The following KLHL1 variants were observed in gnomAD, a reference collection of about 807,000 sequenced individuals.
KLHL1 encodes kelch-like protein 1.
KLHL1 carries 47 observed loss-of-function variants against 77.7 expected under a neutral mutation model. That is an observed-to-expected ratio of 0.60 (90% CI 0.48 to 0.77). The LOEUF is 0.77. KLHL1 is among the 30% of genes least tolerant of loss of function. The pLI, the probability that KLHL1 is intolerant of heterozygous loss-of-function variation, is 0.00. For missense variants in KLHL1, 925 were observed against 910.8 expected (o/e 1.02, Z -0.20); for synonymous variants, 360 against 325.2 (o/e 1.11, Z -1.15).
At chr13:69,834,832 T>C (rs1810490260) in intron 6 of KLHL1, among the ~76,000 whole-genome samples, 1 of 152,104 alleles carries the variant, frequency 6.6e-6, no homozygotes, top group South Asian at 2.1e-4. Context: ...CTAAGGCATG[T>C]ATCAATTCCT....
intron 3 of KLHL1, among the ~76,000 whole-genome samples, chr13:69,954,640 T>C (rs1294780665): frequency 6.6e-6 from 1 of 151,306 alleles, no homozygotes; most frequent in Non-Finnish European, 1.5e-5. Context: ...GCTATTTCTT[T>C]TGCAGTCTCT....
rs200270716 is a variant in KLHL1 at position 69,819,873 on chromosome 13, CT to C, written c.1414+19102del. On this transcript the variant is annotated intron_variant, in intron 6 of 10. Coordinates refer to ENST00000377844, the MANE Select transcript of KLHL1 (RefSeq NM_020866.3). ...CCAAAGATCAGTTTGAGAGTCTCAG[CT>C]TTTTAATTGGTTTACTCTTGCTTTA... Among the ~76,000 whole-genome samples, 1,229 of 152,214 alleles carry C rather than the reference CT, an allele frequency of 8.1e-3. 16 individuals carry two copies. The highest frequency in any genetic ancestry group is 0.027 in the African/African-American group (1,125 of 41,532).
Position 69,719,645 on chromosome 13 carries a change from G to C in KLHL1, c.1803-64C>G, listed in dbSNP as rs889084865. ...GTCTGGATGACAAAATATAGAAAAGGTCCTTTAAAATAAATTTTCACAGTA... is the reference window on the plus strand; with the variant it reads ...GTCTGGATGACAAAATATAGAAAAGCTCCTTTAAAATAAATTTTCACAGTA... On this transcript the variant is annotated intron_variant, in intron 8 of 10. Transcript: ENST00000377844. 6.9e-6 allele frequency: 9 copies of C among 1,301,576 alleles called. No individual in the cohort carries two copies. In the East Asian group the frequency reaches 7.1e-5, roughly 10 times the overall value. 80.6% of individuals were successfully genotyped at this position (1,301,576 alleles called of 1,614,324 possible).
intron 1 of KLHL1, among the ~76,000 whole-genome samples, chr13:70,101,269 CCTT>C (rs10555675): frequency 0.38 from 57,192 of 151,586 alleles, 11,455 homozygotes; most frequent in South Asian, 0.54. Context: ...ACAATATTGT[CCTT>C]CAACTAGCAT....
At chr13:69,939,378 T>TATATATATATATATATATACACAC (rs1200160699) in intron 4 of KLHL1, among the ~76,000 whole-genome samples, 1 of 70,820 alleles carries the variant, frequency 1.4e-5, no homozygotes, top group African/African-American at 6.4e-5. Context: ...TATATATATA[T>TATATATATATATATATATACACAC]ACACACACAC....
chr13:69,975,586 A>G lies in KLHL1; in HGVS notation c.680+34T>C, dbSNP rs899820534. ...CCAGTCTGGCACTTTTAAACATGTGAATGCATGTTTCCAGTAGAGGCAGAC... is the reference window on the plus strand; with the variant it reads ...CCAGTCTGGCACTTTTAAACATGTGGATGCATGTTTCCAGTAGAGGCAGAC... On this transcript the variant is annotated intron_variant, in intron 2 of 10. Transcript: ENST00000377844. 7 of 1,562,200 alleles carry G rather than the reference A, an allele frequency of 4.5e-6. No homozygotes were observed. The African/African-American group carries it at 9.6e-5, about 21-fold the overall frequency.
intron 4 of KLHL1, among the ~76,000 whole-genome samples, chr13:69,891,498 A>G (rs947367028): frequency 6.6e-6 from 1 of 152,062 alleles, no homozygotes; most frequent in East Asian, 1.9e-4. Context: ...TGTTGAATAG[A>G]TAAGAGGAGT....
chr13:70,039,195 A>G (rs1210641325), intron 1 of KLHL1, among the ~76,000 whole-genome samples: 1 of 151,836 alleles, frequency 6.6e-6, no homozygotes, highest in African/African-American at 2.4e-5. Context: ...CAGCTCCCCA[A>G]GCATCTGGGA....
intron 1 of KLHL1, among the ~76,000 whole-genome samples, chr13:70,054,308 T>G (rs1886694104): frequency 6.6e-6 from 1 of 152,068 alleles, no homozygotes; most frequent in African/African-American, 2.4e-5. Context: ...TTTTACAGAT[T>G]AAATAAAGCC....
intron 6 of KLHL1, among the ~76,000 whole-genome samples, chr13:69,806,852 A>C (rs1282921078): frequency 6.6e-6 from 1 of 152,120 alleles, no homozygotes; most frequent in African/African-American, 2.4e-5. Context: ...ACTTGCAATG[A>C]TCCAAGGAGG....
At chr13:69,736,242 A>G (rs1300499773) in intron 8 of KLHL1, among the ~76,000 whole-genome samples, 1 of 152,200 alleles carries the variant, frequency 6.6e-6, no homozygotes, top group African/African-American at 2.4e-5. Flanking sequence ...TGAATAGACA[A>G]TTCTCAAAAG....
chr13:70,089,922 AC>A (rs1343281335), intron 1 of KLHL1, among the ~76,000 whole-genome samples: 1 of 152,146 alleles, frequency 6.6e-6, no homozygotes, highest in Non-Finnish European at 1.5e-5. Flanking sequence ...GCAATGTATT[AC>A]ATTAAAGTAA....
At chr13:69,941,686 T>C (rs1048077737) in intron 3 of KLHL1, among the ~76,000 whole-genome samples, 9 of 151,994 alleles carry the variant, frequency 5.9e-5, no homozygotes, top group Non-Finnish European at 1.3e-4. Context: ...GCTGGTTCTT[T>C]GAAAAGATAA....
intron 7 of KLHL1, among the ~76,000 whole-genome samples, chr13:69,789,545 TAA>T (rs1034998497): frequency 2.2e-4 from 33 of 152,182 alleles, no homozygotes; most frequent in Non-Finnish European, 4.3e-4. Flanking sequence ...ATAAATGACA[TAA>T]ACAGTATTTG....
chr13:69,993,144 G>A (rs544349524), intron 1 of KLHL1, among the ~76,000 whole-genome samples: 1 of 152,014 alleles, frequency 6.6e-6, no homozygotes, highest in African/African-American at 2.4e-5. Context: ...ACTTCAATAG[G>A]AATAACACTA....
chr13:69,729,625 A>ATGATTATGTT (rs1314051322), intron 8 of KLHL1, among the ~76,000 whole-genome samples: 3 of 152,126 alleles, frequency 2.0e-5, no homozygotes, highest in African/African-American at 7.2e-5. Flanking sequence ...TCATTTTCTA[A>ATGATTATGTT]TGATTATGTT....
intron 1 of KLHL1, among the ~76,000 whole-genome samples, chr13:70,025,137 G>A (rs985326565): frequency 6.6e-6 from 1 of 152,008 alleles, no homozygotes; most frequent in Non-Finnish European, 1.5e-5. Context: ...ACTATTTGAA[G>A]CTGCCACTCA....
At chr13:69,906,399 C>T (rs1882046043) in intron 4 of KLHL1, among the ~76,000 whole-genome samples, 2 of 151,772 alleles carry the variant, frequency 1.3e-5, no homozygotes, top group South Asian at 2.1e-4. Flanking sequence ...TTTTTTGCAC[C>T]CTTCAAGACC....
chr13:69,980,205 AC>A (rs1304834490), intron 1 of KLHL1, among the ~76,000 whole-genome samples: 1 of 152,220 alleles, frequency 6.6e-6, no homozygotes, highest in Admixed American at 6.5e-5. Flanking sequence ...TCGGAATCCG[AC>A]AAATAAGTTA....
Sources: allele counts gnomAD v4.1 joint callset (sites outside exome capture counted in the v4.1 genomes callset), GRCh38; gene constraint gnomAD v4.1.1; transcripts MANE v1.5; gene names NCBI Gene and HGNC (gene_info 2026-07-23, HGNC 2026-07-21).